MAF: variants seen among roughly 807,000 people sequenced by gnomAD.
MAF encodes the protein transcription factor Maf.
In MAF, 10 loss-of-function variants were observed where a neutral mutation model predicts 22.0. That is an observed-to-expected ratio of 0.45 (90% confidence interval 0.28 to 0.77). The LOEUF is 0.77. Ranked by LOEUF, MAF falls within the 30% of genes least tolerant of loss-of-function variation. MAF has a pLI of 0.12. For missense variants in MAF, 544 were observed against 548.4 expected (o/e 0.99, Z 0.08); for synonymous variants, 337 against 255.8 (o/e 1.32, Z -3.03).
At chr16:79,413,210 GTTTTTT>G in the MAF span, among the ~76,000 whole-genome samples, 2 of 63,620 alleles carry the variant, frequency 3.1e-5, no homozygotes, top group African/African-American at 1.1e-4. Flanking sequence ...GAGCTGTGCA[GTTTTTT>G]TTTTTTTTTT....
chr16:79,344,948 G>GAATAT, the MAF span, among the ~76,000 whole-genome samples: 3 of 152,250 alleles, frequency 2.0e-5, no homozygotes, highest in Non-Finnish European at 4.4e-5. Context: ...TAAAAAGAAG[G>GAATAT]AATATTCTCC....
At chr16:79,336,804 G>A in the MAF span, among the ~76,000 whole-genome samples, 1 of 152,170 alleles carries the variant, frequency 6.6e-6, no homozygotes, top group Non-Finnish European at 1.5e-5. Context: ...TCTTTTTCAA[G>A]TTTGGAGAAG....
chr16:79,367,525 G>A, the MAF span, among the ~76,000 whole-genome samples: 1 of 152,172 alleles, frequency 6.6e-6, no homozygotes, highest in South Asian at 2.1e-4. Flanking sequence ...TCAAGTGGTG[G>A]TTCTTGGAGG....
At chr16:79,432,060 A>C in the MAF span, among the ~76,000 whole-genome samples, 3 of 152,198 alleles carry the variant, frequency 2.0e-5, no homozygotes, top group Non-Finnish European at 4.4e-5. Context: ...ATCTTGAATT[A>C]TAATCTCCAA....
chr16:79,448,542 C>G, the MAF span, among the ~76,000 whole-genome samples: 405 of 152,150 alleles, frequency 2.7e-3, 3 homozygotes, highest in Non-Finnish European at 2.9e-3. Context: ...TATCCTGTCT[C>G]AGCCTCCCGA....
chr16:79,211,115 G>T, the MAF span, among the ~76,000 whole-genome samples: 1 of 151,816 alleles, frequency 6.6e-6, no homozygotes, highest in African/African-American at 2.4e-5. Context: ...CGTGGGCAAA[G>T]CATAAAGGGA....
chr16:79,251,855 A>T, the MAF span, among the ~76,000 whole-genome samples: 57 of 152,326 alleles, frequency 3.7e-4, no homozygotes, highest in African/African-American at 1.3e-3. Flanking sequence ...ATTTAAAAAA[A>T]ATTTTTTTGT....
chr16:79,483,564 G>T, the MAF span, among the ~76,000 whole-genome samples: 2 of 151,966 alleles, frequency 1.3e-5, no homozygotes, highest in African/African-American at 4.8e-5. Flanking sequence ...GGGCAAGATT[G>T]ACCAGGTCAT....
At chr16:79,258,222 C>T in the MAF span, among the ~76,000 whole-genome samples, 1 of 152,128 alleles carries the variant, frequency 6.6e-6, no homozygotes, top group Non-Finnish European at 1.5e-5. Flanking sequence ...CAGGGATGGT[C>T]ACGATCACCA....
the MAF span, among the ~76,000 whole-genome samples, chr16:79,311,497 TAAAAA>T: frequency 1.8e-3 from 245 of 136,718 alleles, no homozygotes; most frequent in African/African-American, 6.3e-3. Context: ...TTGTTTTCTT[TAAAAA>T]AAAAAAAAAA....
intron 1 of MAF, among the ~76,000 whole-genome samples, chr16:79,588,411 A>C (rs1450757553): frequency 6.6e-6 from 1 of 151,934 alleles, no homozygotes; most frequent in African/African-American, 2.4e-5. Flanking sequence ...TAAAGTGGGA[A>C]CTGTAGATTT....
chr16:79,419,289 T>G, the MAF span, among the ~76,000 whole-genome samples: 1 of 152,190 alleles, frequency 6.6e-6, no homozygotes, highest in Non-Finnish European at 1.5e-5. Context: ...ATGACAGAAC[T>G]CGACACTTCC....
At chr16:79,206,754 A>G in the MAF span, 1 of 152,220 alleles carries the variant, frequency 6.6e-6, no homozygotes, top group Admixed American at 6.5e-5. Flanking sequence ...TAATTTCATT[A>G]TAGAAGTATC....
chr16:79,294,902 G>T, the MAF span, among the ~76,000 whole-genome samples: 3 of 152,158 alleles, frequency 2.0e-5, no homozygotes, highest in Non-Finnish European at 4.4e-5. Context: ...TCCAGACATG[G>T]AACAAGGAAC....
the MAF span, among the ~76,000 whole-genome samples, chr16:79,345,963 A>C: frequency 6.6e-6 from 1 of 151,746 alleles, no homozygotes; most frequent in Non-Finnish European, 1.5e-5. Context: ...GATCAATTTC[A>C]TTCTGTTATG....
the MAF span, among the ~76,000 whole-genome samples, chr16:79,438,460 T>C: frequency 3.3e-5 from 5 of 152,180 alleles, no homozygotes; most frequent in Admixed American, 3.3e-4. Flanking sequence ...GATAACAGCC[T>C]GGAGGAGGCT....
the MAF span, among the ~76,000 whole-genome samples, chr16:79,567,903 G>C: frequency 6.6e-6 from 1 of 152,240 alleles, no homozygotes; most frequent in African/African-American, 2.4e-5. Flanking sequence ...CTGCGTCGCA[G>C]AGCTGAAAGT....
the MAF span, among the ~76,000 whole-genome samples, chr16:79,231,799 G>A: frequency 6.6e-6 from 1 of 151,886 alleles, no homozygotes; most frequent in Non-Finnish European, 1.5e-5. Context: ...ACGGTGAACT[G>A]TATTTCTATT....
the MAF span, among the ~76,000 whole-genome samples, chr16:79,218,140 T>TCA: frequency 6.6e-6 from 1 of 151,924 alleles, no homozygotes. Flanking sequence ...ATTCATATAA[T>TCA]CACTGAACAA....
Sources: gnomAD v4.1 joint callset for allele counts (sites outside exome capture counted in the v4.1 genomes callset) on GRCh38, gnomAD v4.1.1 for gene constraint, MANE v1.5 for transcripts, NCBI Gene and HGNC (gene_info 2026-07-23, HGNC 2026-07-21) for gene names.